PRH1: variants seen among roughly 807,000 people sequenced by gnomAD.
PRH1 encodes salivary acidic proline-rich phosphoprotein 1/2.
A neutral mutation model predicts 7.9 loss-of-function variants in PRH1; 7 were observed. The ratio of observed to expected loss-of-function variants is 0.89; its 90% CI spans 0.50 to 1.67. The LOEUF is 1.67. Among genes scored for constraint, PRH1 ranks in the 40% most tolerant of loss-of-function variants. The pLI is 0.00. For missense variants in PRH1, 109 were observed against 223.6 expected (o/e 0.49, Z 3.27); for synonymous variants, 45 against 80.8 (o/e 0.56, Z 2.38).
intron 1 of PRH1, among the ~76,000 whole-genome samples, chr12:11,153,540 TGCC>T (rs1235066221): frequency 1.3e-5 from 2 of 152,248 alleles, no homozygotes; most frequent in East Asian, 3.9e-4. Context: ...GGTGCACCGT[TGCC>T]AGGAGATGCA....
chr12:11,087,399 TGA>T (rs1243131828), intron 1 of PRH1, among the ~76,000 whole-genome samples: 1 of 117,296 alleles, frequency 8.5e-6, no homozygotes, highest in Non-Finnish European at 2.0e-5. Flanking sequence ...CAGCCTGCAT[TGA>T]GAGTTTCTGA....
chr12:11,075,893 T>G (rs530621723), intron 1 of PRH1, among the ~76,000 whole-genome samples: 2 of 118,990 alleles, frequency 1.7e-5, no homozygotes, highest in East Asian at 4.2e-4. Flanking sequence ...ATGTGTTCAT[T>G]AACGTATCAT....
intron 1 of PRH1, among the ~76,000 whole-genome samples, chr12:10,977,385 T>G (rs1565515413): frequency 6.6e-6 from 1 of 152,242 alleles, no homozygotes. Context: ...TTAAAAACTC[T>G]CAACAAACTA....
At chr12:11,127,061 T>G (rs1374046347) in intron 1 of PRH1, among the ~76,000 whole-genome samples, 2 of 118,454 alleles carry the variant, frequency 1.7e-5, no homozygotes, top group Admixed American at 1.8e-4. Flanking sequence ...AATAACGTTC[T>G]TGTTCCTTTT....
intron 2 of PRH1, among the ~76,000 whole-genome samples, chr12:10,912,363 C>T (rs1949912765): frequency 6.6e-6 from 1 of 152,004 alleles, no homozygotes; most frequent in African/African-American, 2.4e-5. Context: ...AGATATTTGT[C>T]AGTTTCAATT....
At chr12:10,927,345 G>T (rs1206393560) in intron 2 of PRH1, among the ~76,000 whole-genome samples, 1 of 152,048 alleles carries the variant, frequency 6.6e-6, no homozygotes, top group Non-Finnish European at 1.5e-5. Context: ...TCATCTCCAG[G>T]TCTAATGGAA....
At chr12:11,045,312 G>C (rs1285000136) in intron 1 of PRH1, among the ~76,000 whole-genome samples, 1 of 85,288 alleles carries the variant, frequency 1.2e-5, no homozygotes, top group Non-Finnish European at 2.6e-5. Flanking sequence ...CTGGTTAATG[G>C]TTACCAAAAA....
chr12:11,115,779 A>T (rs1945714438), intron 1 of PRH1, among the ~76,000 whole-genome samples: 1 of 152,146 alleles, frequency 6.6e-6, no homozygotes, highest in African/African-American at 2.4e-5. Flanking sequence ...AAATGAAACA[A>T]TATGCTCCTG....
At position 11,094,701 on chromosome 12, in the gene PRH1, T is replaced by C. The variant is rs1191345341; in HGVS notation, n.124-47513A>G. Among the ~76,000 whole-genome samples the C allele has an allele frequency of 1.7e-5, 2 of 115,846 alleles. 1 individual carries two copies. Among genetic ancestry groups the C allele is most frequent in the African/African-American group, 5.8e-5 (2 of 34,488 alleles). The allele number at this position is 115,846 out of a possible 152,430, so 76.0% of individuals were successfully genotyped here. A position where few individuals can be genotyped will look rare whatever the true frequency, so the allele number is the denominator to read the frequency against. ...CGGTATATAATGAGATGAGTAATAATAATTTCTATATTTCTCCTAATTACA... is the reference window on the plus strand; with the variant it reads ...CGGTATATAATGAGATGAGTAATAACAATTTCTATATTTCTCCTAATTACA... On this transcript the variant is annotated intron_variant and non_coding_transcript_variant, in intron 1 of 4. Transcript: ENST00000541977.
At chr12:11,142,033 T>A (rs906484226) in intron 1 of PRH1, among the ~76,000 whole-genome samples, 1 of 151,980 alleles carries the variant, frequency 6.6e-6, no homozygotes, top group Non-Finnish European at 1.5e-5. Context: ...GCTCAAGTGG[T>A]CCCCTCATCT....
chr12:11,131,186 C>T (rs756079115), intron 1 of PRH1, among the ~76,000 whole-genome samples: 2 of 152,188 alleles, frequency 1.3e-5, no homozygotes, highest in Non-Finnish European at 2.9e-5. Context: ...GATACATTCT[C>T]CCTCCTCTCT....
At chr12:11,028,537 A>G (rs1442414336) in intron 1 of PRH1, among the ~76,000 whole-genome samples, 2 of 152,242 alleles carry the variant, frequency 1.3e-5, no homozygotes, top group Admixed American at 6.5e-5. Flanking sequence ...GTAGCACTTC[A>G]ATAACAGGTA....
At chr12:11,051,602 C>T (rs1355318887), upstream of PRH1, among the ~76,000 whole-genome samples, 1 of 152,168 alleles carries the variant, frequency 6.6e-6, no homozygotes, top group East Asian at 1.9e-4. Context: ...CCTTTCTTCA[C>T]ACCTCCTGTA....
chr12:11,138,759 C>A (rs1486680402), intron 1 of PRH1, among the ~76,000 whole-genome samples: 4 of 151,954 alleles, frequency 2.6e-5, no homozygotes, highest in African/African-American at 9.7e-5. Context: ...AACTTTTGGG[C>A]CAGGTGTGGT....
intron 1 of PRH1, chr12:10,985,901 G>T: frequency 1.3e-6 from 2 of 1,491,358 alleles, no homozygotes; most frequent in Non-Finnish European, 1.8e-6. Context: ...TTTTCTCCTA[G>T]AATACACACA....
At chr12:10,882,825 C>T (rs112094611) in intron 2 of PRH1, 127 bp from the exon 3 acceptor site, 8 of 1,489,674 alleles carry the variant, frequency 5.4e-6, no homozygotes, top group South Asian at 1.3e-5. Flanking sequence ...CAACCTCCCC[C>T]CTTCCCAAGG....
chr12:11,120,594 T>C (rs148172450), downstream of PRH1, among the ~76,000 whole-genome samples: 421 of 152,290 alleles, frequency 2.8e-3, no homozygotes, highest in Non-Finnish European at 5.3e-3. Context: ...CTTCCAAGTG[T>C]CAACTGCTTT....
intron 2 of PRH1, among the ~76,000 whole-genome samples, chr12:10,902,909 C>T (rs957414093): frequency 2.6e-5 from 4 of 152,106 alleles, no homozygotes; most frequent in Non-Finnish European, 4.4e-5. Flanking sequence ...AAATAGCACA[C>T]CTAAGCACAT....
downstream of PRH1, among the ~76,000 whole-genome samples, chr12:11,117,248 G>C (rs1945756659): frequency 6.6e-6 from 1 of 151,996 alleles, no homozygotes; most frequent in African/African-American, 2.4e-5. Flanking sequence ...TAAAAAATTA[G>C]TAGTATTTCT....
Sources: allele counts gnomAD v4.1 joint callset (sites outside exome capture counted in the v4.1 genomes callset), GRCh38; gene constraint gnomAD v4.1.1; transcripts MANE v1.5; gene names NCBI Gene and HGNC (gene_info 2026-07-23, HGNC 2026-07-21).